OPRM1: variants seen among roughly 807,000 people sequenced by gnomAD.
OPRM1 encodes mu-type opioid receptor.
Under a neutral mutation model 31.8 loss-of-function variants are expected in OPRM1, and 27 were observed. The observed-to-expected ratio is 0.85, with a 90% CI of 0.63 to 1.17. The LOEUF (loss-of-function observed/expected upper bound fraction) is 1.17. OPRM1 is among the 50% of genes most tolerant of loss of function. The pLI is 0.00. For synonymous variants in OPRM1, 196 were observed against 189.9 expected, an observed-to-expected ratio of 1.03 and a Z score of -0.26; for missense variants, 536 against 511.1, an observed-to-expected ratio of 1.05 and a Z score of -0.47.
intron 3 of OPRM1, among the ~76,000 whole-genome samples, chr6:154,109,784 C>CTG (rs1202510340): frequency 8.3e-4 from 101 of 121,630 alleles, no homozygotes; most frequent in African/African-American, 2.8e-3. Context: ...CTCTCTCTCT[C>CTG]TCTCTCTCTG....
intron 3 of OPRM1, among the ~76,000 whole-genome samples, chr6:154,235,006 C>T (rs1189934553): frequency 6.6e-6 from 1 of 152,134 alleles, no homozygotes; most frequent in Non-Finnish European, 1.5e-5. Flanking sequence ...ATGGGCTGGT[C>T]TCTGCACCAG....
At chr6:154,139,397 T>A (rs1380020743) in intron 3 of OPRM1, among the ~76,000 whole-genome samples, 1 of 152,200 alleles carries the variant, frequency 6.6e-6, no homozygotes, top group African/African-American at 2.4e-5. Flanking sequence ...GTTTCCCTTT[T>A]GAAAACTCTT....
intron 1 of OPRM1, among the ~76,000 whole-genome samples, chr6:154,087,959 T>C (rs964891600): frequency 6.6e-6 from 1 of 152,168 alleles, no homozygotes; most frequent in Non-Finnish European, 1.5e-5. Context: ...ATAACACTCC[T>C]AGATACTTAC....
intron 3 of OPRM1, chr6:154,214,161 G>A: frequency 2.7e-6 from 3 of 1,122,808 alleles, no homozygotes; most frequent in Non-Finnish European, 4.1e-6. Flanking sequence ...TTTTCACCCT[G>A]TTTCAACCTG....
At chr6:154,207,601 C>T (rs1459255094) in intron 3 of OPRM1, among the ~76,000 whole-genome samples, 4 of 152,132 alleles carry the variant, frequency 2.6e-5, no homozygotes, top group Non-Finnish European at 5.9e-5. Context: ...CGGGGTTTCA[C>T]CATGTTGCCC....
chr6:154,093,340 T>G (rs1385494853), intron 3 of OPRM1: 1 of 1,614,036 alleles, frequency 6.2e-7, no homozygotes, highest in African/African-American at 1.3e-5. Flanking sequence ...CCTGGACCAC[T>G]GCAAGGACCT....
chr6:154,204,388 C>A (rs1348856514), intron 3 of OPRM1, among the ~76,000 whole-genome samples: 1 of 152,248 alleles, frequency 6.6e-6, no homozygotes, highest in Non-Finnish European at 1.5e-5. Flanking sequence ...CAAAACAAAA[C>A]CAAAATGACA....
intron 1 of OPRM1, among the ~76,000 whole-genome samples, chr6:154,030,405 T>C (rs985192152): frequency 1.3e-5 from 2 of 152,306 alleles, no homozygotes; most frequent in South Asian, 4.1e-4. Context: ...CTTTAAGAAT[T>C]TAAACATTTG....
Position 154,122,125 on chromosome 6 carries a change from C to T in OPRM1, c.*3404C>T, listed in dbSNP as rs1205978147. Reference sequence around the variant, plus strand: ...GCAACCTAAGAATAGGACATGGTAGCTTAAGTTTTTCAGCTTCTTAACTGG... The same window carrying T: ...GCAACCTAAGAATAGGACATGGTAGTTTAAGTTTTTCAGCTTCTTAACTGG... On this transcript the variant is annotated 3_prime_UTR_variant, in exon 4 of 4. Coordinates refer to ENST00000330432, the MANE Select transcript of OPRM1 (RefSeq NM_000914.5). Among the ~76,000 whole-genome samples, 1 of 152,116 alleles carries T rather than the reference C, an allele frequency of 6.6e-6. No homozygotes were observed.
At chr6:154,212,812 C>T (rs147559947) in intron 3 of OPRM1, 99 of 1,613,602 alleles carry the variant, frequency 6.1e-5, no homozygotes, top group Middle Eastern at 1.6e-4. Flanking sequence ...GTGGTGTCTC[C>T]GCAGCTATTT....
At chr6:154,088,647 T>C (rs180851665) in intron 1 of OPRM1, among the ~76,000 whole-genome samples, 2 of 152,342 alleles carry the variant, frequency 1.3e-5, no homozygotes, top group East Asian at 3.9e-4. Flanking sequence ...TACACACGTA[T>C]CAAAGCTTAT....
Position 154,219,951 on chromosome 6 carries a change from C to A in OPRM1, c.1165-26742C>A, listed in dbSNP as rs142177056. Among the ~76,000 whole-genome samples, 1,010 of 151,226 alleles carry A rather than the reference C, an allele frequency of 6.7e-3. 15 individuals carry two copies. The highest frequency in any genetic ancestry group is 0.023 in the African/African-American group (927 of 41,086). Reference sequence around the variant, plus strand: ...GGATAGGGGACAGATGAGAGTCCTTCTAGCTGGACAGAGCTGAGCGGATAC... The same window carrying A: ...GGATAGGGGACAGATGAGAGTCCTTATAGCTGGACAGAGCTGAGCGGATAC... On this transcript the variant is annotated intron_variant, in intron 3 of 3. Transcript: ENST00000337049.
intron 1 of OPRM1, among the ~76,000 whole-genome samples, chr6:154,065,097 C>T (rs760249095): frequency 1.3e-5 from 2 of 151,560 alleles, no homozygotes; most frequent in African/African-American, 4.8e-5. Context: ...AACAGTATTA[C>T]ATTTCCAATC....
chr6:154,241,382 G>C (rs1043161341), intron 3 of OPRM1, among the ~76,000 whole-genome samples: 5 of 150,438 alleles, frequency 3.3e-5, no homozygotes, highest in African/African-American at 1.2e-4. Flanking sequence ...AAAAACACAA[G>C]TATCTAATAA....
intron 3 of OPRM1, among the ~76,000 whole-genome samples, chr6:154,114,370 G>A (rs1796641363): frequency 6.6e-6 from 1 of 151,942 alleles, no homozygotes; most frequent in Non-Finnish European, 1.5e-5. Flanking sequence ...ATTTAGCATT[G>A]GCTAATTTTA....
chr6:154,059,218 T>C (rs1783924477), intron 1 of OPRM1, among the ~76,000 whole-genome samples: 1 of 152,230 alleles, frequency 6.6e-6, no homozygotes, highest in Non-Finnish European at 1.5e-5. Context: ...CAGATTTTCC[T>C]TCATATTAGG....
At chr6:154,045,430 A>G (rs751725554) in intron 1 of OPRM1, among the ~76,000 whole-genome samples, 2 of 152,182 alleles carry the variant, frequency 1.3e-5, no homozygotes, top group Non-Finnish European at 2.9e-5. Flanking sequence ...GACCCAATAT[A>G]TAAAACAGAT....
intron 1 of OPRM1, among the ~76,000 whole-genome samples, chr6:154,048,243 T>C (rs1224186294): frequency 1.3e-5 from 2 of 152,248 alleles, no homozygotes; most frequent in Non-Finnish European, 2.9e-5. Context: ...CTTCACTATC[T>C]TCCAATATGC....
In OPRM1 at chr6:154,056,192, C is replaced by T. The variant is rs183493747; in HGVS notation, c.290+16358C>T. ...AGGCTGGAGTGCAGAGGTGCCAGCT[C>T]GGCTCACTGCAACCTCCGCCTCCCA... is the stretch of plus-strand genomic sequence containing the variant. On this transcript the variant is annotated intron_variant, in intron 1 of 3. Coordinates refer to ENST00000330432, the MANE Select transcript of OPRM1 (RefSeq NM_000914.5). Among the ~76,000 whole-genome samples the T allele has an allele frequency of 3.3e-3, 498 of 152,054 alleles. 2 individuals are homozygous for T. Among genetic ancestry groups the T allele is most frequent in the African/African-American group, 0.012 (483 of 41,476 alleles).
Sources: gnomAD v4.1 joint callset for allele counts (sites outside exome capture counted in the v4.1 genomes callset) on GRCh38, gnomAD v4.1.1 for gene constraint, MANE v1.5 for transcripts, NCBI Gene and HGNC (gene_info 2026-07-23, HGNC 2026-07-21) for gene names.